The following GTF3C1 variants were observed in gnomAD, a reference collection of about 807,000 sequenced individuals.
GTF3C1 encodes the protein general transcription factor 3C polypeptide 1.
Under a neutral mutation model 226.7 loss-of-function variants are expected in GTF3C1, and 57 were observed. The observed-to-expected ratio is 0.25, with a 90% confidence interval of 0.20 to 0.31. The LOEUF (loss-of-function observed/expected upper bound fraction) is 0.31. GTF3C1 is among the 10% of genes least tolerant of loss of function. The probability of loss-of-function intolerance (pLI) is 1.00; values close to 1 mark genes in which losing one functional copy is unlikely to be tolerated. For synonymous variants in GTF3C1, 1,090 were observed against 1,084.8 expected (o/e 1.00, Z -0.09); for missense variants, 2,217 against 2,776.1 (o/e 0.80, Z 4.53).
intron 2 of GTF3C1, among the ~76,000 whole-genome samples, chr16:27,544,744 C>T (rs1482436075): frequency 6.6e-6 from 1 of 152,058 alleles, no homozygotes; most frequent in Non-Finnish European, 1.5e-5. Flanking sequence ...CTTGGCAGCA[C>T]AGGGCCCAGG....
At chr16:27,538,705 C>T (rs1452683038) in intron 2 of GTF3C1, among the ~76,000 whole-genome samples, 1 of 152,170 alleles carries the variant, frequency 6.6e-6, no homozygotes, top group Non-Finnish European at 1.5e-5. Flanking sequence ...TTATCTCATC[C>T]TCCACAGCTC....
At chr16:27,520,554 G>C (rs1482126438) in intron 6 of GTF3C1, among the ~76,000 whole-genome samples, 1 of 152,182 alleles carries the variant, frequency 6.6e-6, no homozygotes, top group Non-Finnish European at 1.5e-5. Context: ...CAGGGTCTTA[G>C]GTTTTTCTCA....
chr16:27,506,887 G>A lies in GTF3C1; in HGVS notation c.1512C>T (p.Leu504=), dbSNP rs749815172. The A allele has an allele frequency of 1.4e-5, 22 of 1,613,074 alleles. No individual in the cohort carries two copies. The highest frequency in any genetic ancestry group is 5.0e-5 in the Admixed American group (3 of 59,966). The change falls in exon 9 of 37, where the codon CTC becomes CTT. Residue 504 remains leucine, a synonymous_variant. Coordinates refer to ENST00000356183, the MANE Select transcript of GTF3C1 (RefSeq NM_001520.4). ...SQKDTRASAN[L]RPKTQPHHST... ...AGTGATGAGGCTGGGTCTTGGGCCG[G>A]AGGTTTGCAGAGGCTCTTGTGTCTT...
chr16:27,464,009 A>G, intron 34 of GTF3C1: 1 of 427,934 alleles, frequency 2.3e-6, no homozygotes, highest in Non-Finnish European at 4.1e-6. Context: ...CCACCCGAGG[A>G]AGTTGAGACC....
At position 27,469,777 on chromosome 16, in the gene GTF3C1, G is replaced by C. The variant is rs2087839116; in HGVS notation, c.4815-227C>G. 6.6e-6 allele frequency among the ~76,000 whole-genome samples: 1 copy of C among 152,090 alleles called. No homozygotes were observed. Among genetic ancestry groups the C allele is most frequent in the South Asian group, 2.1e-4 (1 of 4,820 alleles). On this transcript the variant is annotated intron_variant, in intron 31 of 36. Transcript: ENST00000356183. The surrounding 1 kb of genome is among the most constrained non-coding windows in gnomAD (Gnocchi z 4.5). Reference sequence around the variant, plus strand: ...TGTCACATAGCTGTATCTCTGTGGGGACTGTTCCTTTTGCCCGTCTCTCAG... The same window carrying C: ...TGTCACATAGCTGTATCTCTGTGGGCACTGTTCCTTTTGCCCGTCTCTCAG...
At chr16:27,483,180 C>A (rs232061) in intron 25 of GTF3C1, 55 bp from the exon 26 acceptor site, 18,598 of 1,516,416 alleles carry the variant, frequency 0.012, 161 homozygotes, top group Non-Finnish European at 0.016. Flanking sequence ...TGCCCATGTT[C>A]AGAACCTTCA....
At chr16:27,546,802 T>C (rs1403508206) in intron 1 of GTF3C1, among the ~76,000 whole-genome samples, 4 of 152,008 alleles carry the variant, frequency 2.6e-5, no homozygotes, top group Non-Finnish European at 5.9e-5. Flanking sequence ...GTTTTGATCT[T>C]GTCACCCAGG....
intron 1 of GTF3C1, among the ~76,000 whole-genome samples, chr16:27,546,807 C>T (rs1003580903): frequency 6.6e-6 from 1 of 152,038 alleles, no homozygotes. Flanking sequence ...GATCTTGTCA[C>T]CCAGGCTGGA....
In GTF3C1 at chr16:27,470,147, A is replaced by G; in HGVS notation, c.4775T>C (p.Val1592Ala). 1 of 1,614,050 alleles carries G rather than the reference A, an allele frequency of 6.2e-7. No homozygotes were observed. The highest frequency in any genetic ancestry group is 8.5e-7 in the Non-Finnish European group (1 of 1,179,954). ...VDVRIPEQII[V>A]VDSSMVENEV... is the part of the protein sequence containing the mutation. Reference sequence around the variant, plus strand: ...ATTCTCCACCATTGAGCTGTCTACCACGATGATCTGCTCCGGGATCCTGAC... The same window carrying G: ...ATTCTCCACCATTGAGCTGTCTACCGCGATGATCTGCTCCGGGATCCTGAC... Residue 1592 changes from valine to alanine, a missense_variant, in exon 31 of 37, where the codon GTG becomes GCG. This residue lies in a region of GTF3C1 where 546 missense variants were observed against 663.0 expected (regional missense o/e 0.82). Coordinates refer to ENST00000356183, the MANE Select transcript of GTF3C1 (RefSeq NM_001520.4). This position sits in a 1 kb window ranked among gnomAD's most constrained non-coding sequence, Gnocchi z 4.9.
chr16:27,549,663 C>G lies in GTF3C1; in HGVS notation c.221+7G>C. The G allele has an allele frequency of 1.3e-6, 2 of 1,512,444 alleles. No individual in the cohort carries two copies. The highest frequency in any genetic ancestry group is 1.8e-6 in the Non-Finnish European group (2 of 1,117,348). The allele number at this position is 1,512,444 out of a possible 1,614,324, so 93.7% of individuals were successfully genotyped here. A position where few individuals can be genotyped will look rare whatever the true frequency, so the allele number is the denominator to read the frequency against. On this transcript the variant is annotated splice_region_variant and intron_variant, in intron 1 of 36. Coordinates refer to ENST00000356183, the MANE Select transcript of GTF3C1 (RefSeq NM_001520.4). ...CGCCCGCCCGCCAGGCCAGGCCGCCCGCTGACCGGTCCTGGAGCTGTAGGT... is the reference window on the plus strand; with the variant it reads ...CGCCCGCCCGCCAGGCCAGGCCGCCGGCTGACCGGTCCTGGAGCTGTAGGT...
At position 27,492,726 on chromosome 16, in the gene GTF3C1, G is replaced by C. The variant is rs773492069; in HGVS notation, c.2877-13C>G. On this transcript the variant is annotated splice_polypyrimidine_tract_variant and intron_variant, in intron 17 of 36. Transcript: ENST00000356183. This position sits in a 1 kb window ranked among gnomAD's most constrained non-coding sequence, Gnocchi z 5.0. ...AAAAATGTAACGCCTAGAAAACAGA[G>C]GGGGCGGGAGGTTCTCATCACACCA... is the stretch of plus-strand genomic sequence containing the variant. The C allele has an allele frequency of 4.9e-6, 7 of 1,438,578 alleles. No individual in the cohort carries two copies. Among genetic ancestry groups the C allele is most frequent in the East Asian group, 2.3e-5 (1 of 44,096 alleles). 89.1% of individuals were successfully genotyped at this position (1,438,578 alleles called of 1,614,324 possible). A position where few individuals can be genotyped will look rare whatever the true frequency, so the allele number is the denominator to read the frequency against.
At chr16:27,476,392 C>T (rs750694202) in intron 29 of GTF3C1, 59 bp downstream of exon 29, 9 of 1,097,564 alleles carry the variant, frequency 8.2e-6, no homozygotes, top group East Asian at 4.7e-5. Context: ...CAGCACCTCA[C>T]GAGCCTGGCC....
Position 27,510,179 on chromosome 16 carries a change from A to G in GTF3C1, c.1127-1524T>C, listed in dbSNP as rs1215855623. On this transcript the variant is annotated intron_variant, in intron 7 of 36. Coordinates refer to ENST00000356183, the MANE Select transcript of GTF3C1 (RefSeq NM_001520.4). Reference sequence around the variant, plus strand: ...GGCAGGTGGATCACGAGGTCAAGAGATCGAGACCATCCTGGCTAACACGGT... The same window carrying G: ...GGCAGGTGGATCACGAGGTCAAGAGGTCGAGACCATCCTGGCTAACACGGT... Among the ~76,000 whole-genome samples the G allele has an allele frequency of 2.0e-5, 3 of 152,174 alleles. No individual in the cohort carries two copies. In the East Asian group the frequency reaches 5.8e-4, roughly 29 times the overall value.
rs145882825 is a variant in GTF3C1, at chr16:27,528,641, C to T, written c.930G>A (p.Leu310=). ...GTCCACATTCAGGGTGGATCTCTTGCAAGCGAAGAGACACCACCTTGGCTA... is the reference window on the plus strand; with the variant it reads ...GTCCACATTCAGGGTGGATCTCTTGTAAGCGAAGAGACACCACCTTGGCTA... The part of the protein sequence containing the change: ...AGLAKVVSLR[L]QEIHPECGPC... Residue 310 remains leucine, a synonymous_variant, in exon 6 of 37, where the codon TTG becomes TTA. Transcript: ENST00000356183. 1,385 of 1,609,806 alleles carry T rather than the reference C, an allele frequency of 8.6e-4. 7 individuals are homozygous for T. The highest frequency in any genetic ancestry group is 8.6e-3 in the Middle Eastern group (52 of 6,058).
intron 24 of GTF3C1, among the ~76,000 whole-genome samples, chr16:27,484,709 A>C (rs2088108843): frequency 6.6e-6 from 1 of 152,244 alleles, no homozygotes; most frequent in Non-Finnish European, 1.5e-5. Flanking sequence ...TTAGTGTCCT[A>C]ATTATGCATC....
At chr16:27,481,864 C>T (rs1486077520) in intron 26 of GTF3C1, among the ~76,000 whole-genome samples, 1 of 152,172 alleles carries the variant, frequency 6.6e-6, no homozygotes, top group African/African-American at 2.4e-5. Flanking sequence ...GTGCTGACAC[C>T]TTTACTAAGC....
intron 19 of GTF3C1, among the ~76,000 whole-genome samples, chr16:27,490,048 G>A (rs1346835139): frequency 6.6e-6 from 1 of 152,232 alleles, no homozygotes; most frequent in East Asian, 1.9e-4. Flanking sequence ...GGCTCAGGGA[G>A]TCCAGCGCAG....
At chr16:27,476,408 A>C in intron 29 of GTF3C1, 43 bp downstream of exon 29, 16 of 1,226,524 alleles carry the variant, frequency 1.3e-5, no homozygotes, top group Non-Finnish European at 1.9e-5. Context: ...TGGCCTCGGA[A>C]GGGCCCACAT....
At chr16:27,546,195 T>A (rs1461158562) in intron 1 of GTF3C1, among the ~76,000 whole-genome samples, 1 of 152,126 alleles carries the variant, frequency 6.6e-6, no homozygotes, top group Non-Finnish European at 1.5e-5. Context: ...TCCTTAGTTA[T>A]CTCTCTAATA....
Sources: gnomAD v4.1 joint callset for allele counts (sites outside exome capture counted in the v4.1 genomes callset) on GRCh38, gnomAD v4.1.1 for gene constraint, gnomAD v4.1.1 regional missense constraint, Gnocchi (gnomAD v3.1) non-coding constraint, MANE v1.5 for transcripts, NCBI Gene and HGNC (gene_info 2026-07-23, HGNC 2026-07-21) for gene names.